The following LRP1B variants were observed in gnomAD, a reference collection of about 807,000 sequenced individuals.
The protein encoded by LRP1B is low-density lipoprotein receptor-related protein 1B.
A neutral mutation model predicts 556.6 loss-of-function variants in LRP1B; 217 were observed. The ratio of observed to expected loss-of-function variants is 0.39; its 90% CI spans 0.35 to 0.44. LRP1B has a LOEUF of 0.44. LRP1B is among the 20% of genes least tolerant of loss of function. The pLI is 1.00. For synonymous variants in LRP1B, 2,047 were observed against 1,865.8 expected, an observed-to-expected ratio of 1.10 and a Z score of -2.50; for missense variants, 5,053 against 5,620.8, an observed-to-expected ratio of 0.90 and a Z score of 3.23.
At chr2:141,969,699 A>G (rs1318535783) in intron 1 of LRP1B, among the ~76,000 whole-genome samples, 1 of 151,670 alleles carries the variant, frequency 6.6e-6, no homozygotes, top group Non-Finnish European at 1.5e-5. Flanking sequence ...GAATAGTGCT[A>G]CAATGAACAC....
intron 66 of LRP1B, among the ~76,000 whole-genome samples, chr2:140,423,491 CTCTTA>C (rs1230466037): frequency 7.9e-5 from 12 of 151,994 alleles, no homozygotes; most frequent in African/African-American, 2.7e-4. Context: ...AATGGAGGTT[CTCTTA>C]TAAGTCACTC....
intron 2 of LRP1B, among the ~76,000 whole-genome samples, chr2:141,735,226 A>T (rs1693420386): frequency 6.6e-6 from 1 of 151,898 alleles, no homozygotes; most frequent in African/African-American, 2.4e-5. Context: ...AGAAAGACAG[A>T]TCTGTTGGGA....
rs145598819 is a variant in LRP1B at position 140,689,149 on chromosome 2, T to C, written c.6799+11101A>G. ...ATGGCCTGAGAAGAACTTCATATTC[T>C]ATATATGAGTCCCTGTAGACGAACT... On this transcript the variant is annotated intron_variant, in intron 41 of 90. Transcript: ENST00000389484. 1.6e-4 allele frequency among the ~76,000 whole-genome samples: 24 copies of C among 152,318 alleles called. No homozygotes were observed. In the East Asian group the frequency reaches 4.6e-3, roughly 29 times the overall value.
At chr2:141,743,486 CTTTTTTTTTTTTTTCTTTT>C (rs797003836) in intron 2 of LRP1B, among the ~76,000 whole-genome samples, 4,856 of 108,060 alleles carry the variant, frequency 0.045, 288 homozygotes, top group African/African-American at 0.18. Context: ...CTGCTTTTTT[CTTTTTTTTTTTTTTCTTTT>C]TTTTTTTTTT....
At chr2:140,289,288 C>T (rs543443056) in intron 84 of LRP1B, among the ~76,000 whole-genome samples, 16 of 152,032 alleles carry the variant, frequency 1.1e-4, no homozygotes, top group Admixed American at 7.9e-4. Context: ...TTTGACTATA[C>T]AATTCGAAGT....
At position 142,002,602 on chromosome 2, in the gene LRP1B, G is replaced by A. The variant is rs574291681; in HGVS notation, c.82+128046C>T. ...AGATTTTTAAAATTTGCATAGCCATGTATAAGTGTCACAACATGAAATAAC... is the reference window on the plus strand; with the variant it reads ...AGATTTTTAAAATTTGCATAGCCATATATAAGTGTCACAACATGAAATAAC... On this transcript the variant is annotated intron_variant, in intron 1 of 90. Transcript: ENST00000389484. Among the ~76,000 whole-genome samples, 22 of 151,812 alleles carry A rather than the reference G, an allele frequency of 1.4e-4. No homozygotes were observed. In the East Asian group the frequency reaches 3.1e-3, roughly 21 times the overall value.
At chr2:141,089,090 C>T (rs139509183) in intron 7 of LRP1B, among the ~76,000 whole-genome samples, 1 of 152,298 alleles carries the variant, frequency 6.6e-6, no homozygotes, top group African/African-American at 2.4e-5. Context: ...AATATTCTTT[C>T]AACATCTGGG....
intron 41 of LRP1B, among the ~76,000 whole-genome samples, chr2:140,641,734 T>A (rs957032480): frequency 6.6e-6 from 1 of 152,200 alleles, no homozygotes; most frequent in Non-Finnish European, 1.5e-5. Context: ...GTAAGTGACT[T>A]TTTTCTGTTT....
intron 2 of LRP1B, among the ~76,000 whole-genome samples, chr2:141,623,527 G>T (rs1688580532): frequency 6.6e-6 from 1 of 152,026 alleles, no homozygotes; most frequent in Admixed American, 6.6e-5. Context: ...CTGTTCTCAA[G>T]ATATAGGTTT....
chr2:141,212,298 T>G (rs1211336955), intron 6 of LRP1B, among the ~76,000 whole-genome samples: 1 of 111,722 alleles, frequency 9.0e-6, no homozygotes. Flanking sequence ...TTTTTTTTTG[T>G]GACTGAGCCT....
chr2:141,201,741 T>C (rs1256624196), intron 6 of LRP1B, among the ~76,000 whole-genome samples: 1 of 152,152 alleles, frequency 6.6e-6, no homozygotes, highest in African/African-American at 2.4e-5. Flanking sequence ...TGGTGCATGT[T>C]TCCCCAAAGT....
chr2:142,060,579 A>G (rs1338895959), intron 1 of LRP1B, among the ~76,000 whole-genome samples: 2 of 152,066 alleles, frequency 1.3e-5, no homozygotes, highest in East Asian at 3.9e-4. Context: ...TGTTTAACAC[A>G]GGAAAAATGG....
chr2:142,010,860 C>G (rs543395323), intron 1 of LRP1B, among the ~76,000 whole-genome samples: 1 of 152,276 alleles, frequency 6.6e-6, no homozygotes, highest in East Asian at 1.9e-4. Flanking sequence ...TGCTCCACGA[C>G]TGAAGAGACC....
chr2:141,648,627 T>A (rs544129454), intron 2 of LRP1B, among the ~76,000 whole-genome samples: 1 of 152,240 alleles, frequency 6.6e-6, no homozygotes, highest in Admixed American at 6.5e-5. Flanking sequence ...GTATTACCAA[T>A]GCCTAGTATA....
intron 3 of LRP1B, among the ~76,000 whole-genome samples, chr2:141,430,509 A>T (rs376258537): frequency 2.0e-4 from 31 of 152,314 alleles, no homozygotes; most frequent in South Asian, 4.1e-4. Context: ...ATTTGGCAGG[A>T]TCTTACAAAA....
rs192659079 is a variant in LRP1B, at chr2:141,310,248, G to A, written c.344-55607C>T. Among the ~76,000 whole-genome samples the A allele has an allele frequency of 3.2e-3, 482 of 152,210 alleles. 2 individuals are homozygous for A. The highest frequency in any genetic ancestry group is 0.011 in the African/African-American group (446 of 41,516). The stretch of plus-strand genomic sequence containing the variant: ...GTCTTATTTTAGCAATTTTAGTAGA[G>A]AAATTAAGTTCTATTATAAACTCAA... On this transcript the variant is annotated intron_variant, in intron 3 of 90. Coordinates refer to ENST00000389484, the MANE Select transcript of LRP1B (RefSeq NM_018557.3).
intron 84 of LRP1B, among the ~76,000 whole-genome samples, chr2:140,295,117 A>T (rs1204291787): frequency 1.3e-5 from 2 of 151,996 alleles, no homozygotes; most frequent in Non-Finnish European, 2.9e-5. Context: ...TGACCTCGTG[A>T]TCCGCGGGCC....
At chr2:142,112,317 C>A (rs1162501419) in intron 1 of LRP1B, among the ~76,000 whole-genome samples, 1 of 151,624 alleles carries the variant, frequency 6.6e-6, no homozygotes, top group Non-Finnish European at 1.5e-5. Context: ...TTCAAAAGGT[C>A]AAACTCATGT....
intron 3 of LRP1B, among the ~76,000 whole-genome samples, chr2:141,386,917 A>C (rs547314102): frequency 1.3e-3 from 198 of 152,186 alleles, no homozygotes; most frequent in Non-Finnish European, 2.1e-3. Context: ...TTTCAAGTGC[A>C]CAAGGAACAT....
Sources: allele counts gnomAD v4.1 joint callset (sites outside exome capture counted in the v4.1 genomes callset), GRCh38; gene constraint gnomAD v4.1.1; transcripts MANE v1.5; gene names NCBI Gene and HGNC (gene_info 2026-07-23, HGNC 2026-07-21).